FNIP2: variants seen among roughly 807,000 people sequenced by gnomAD.
FNIP2 encodes folliculin interacting protein 2, also known as folliculin-interacting protein 2.
Under a neutral mutation model 108.7 loss-of-function variants are expected in FNIP2, and 32 were observed. That is an observed-to-expected ratio of 0.29 (90% confidence interval 0.22 to 0.40). FNIP2 has a LOEUF of 0.40. FNIP2 is among the 10% of genes least tolerant of loss of function. FNIP2 has a pLI of 1.00. For missense variants in FNIP2, 1,202 were observed against 1,381.6 expected (o/e 0.87, Z 2.06); for synonymous variants, 480 against 496.7 (o/e 0.97, Z 0.45).
chr4:158,788,034 G>A (rs374538563), intron 1 of FNIP2, among the ~76,000 whole-genome samples: 65 of 152,146 alleles, frequency 4.3e-4, no homozygotes, highest in African/African-American at 1.4e-3. Context: ...TTCAGGTTTC[G>A]AACCCTGACA....
At position 158,891,571 on chromosome 4, in the gene FNIP2, C is replaced by T. The variant is rs778464583; in HGVS notation, c.3075C>T (p.Val1025=). The change falls in exon 15 of 17, where the codon GTC becomes GTT. Residue 1025 remains valine, a synonymous_variant. Transcript: ENST00000264433. The part of the protein sequence containing the change: ...VTDNMKLGQD[V]LVSSQVSSLL... The stretch of plus-strand genomic sequence containing the variant: ...ACAACATGAAACTAGGCCAGGATGT[C>T]CTGGTCTCTAGTCAGGTGTCCAGTT... 1 of 1,612,534 alleles carries T rather than the reference C, an allele frequency of 6.2e-7. No individual in the cohort carries two copies. Among genetic ancestry groups the T allele is most frequent in the South Asian group, 1.1e-5 (1 of 90,716 alleles).
intron 7 of FNIP2, among the ~76,000 whole-genome samples, chr4:158,837,749 A>G (rs1318316031): frequency 6.6e-6 from 1 of 152,198 alleles, no homozygotes; most frequent in Non-Finnish European, 1.5e-5. Context: ...AGGTGTTGAT[A>G]CCAGTGTGAA....
At chr4:158,841,253 A>G (rs895681453) in intron 7 of FNIP2, among the ~76,000 whole-genome samples, 2 of 152,166 alleles carry the variant, frequency 1.3e-5, no homozygotes, top group African/African-American at 4.8e-5. Flanking sequence ...TTGCGAGATA[A>G]GGCTGGGGTG....
chr4:158,854,165 T>C (rs1188093156), intron 8 of FNIP2, among the ~76,000 whole-genome samples: 1 of 152,254 alleles, frequency 6.6e-6, no homozygotes. Flanking sequence ...TGATATTCTT[T>C]ATTGCAATGT....
chr4:158,890,251 G>T (rs906070883), intron 14 of FNIP2: 5 of 984,442 alleles, frequency 5.1e-6, no homozygotes, highest in South Asian at 4.7e-5. Context: ...TGATAATAGG[G>T]TTTATATCTT....
intron 14 of FNIP2, among the ~76,000 whole-genome samples, chr4:158,875,729 T>C (rs997400287): frequency 6.6e-6 from 1 of 152,034 alleles, no homozygotes; most frequent in Non-Finnish European, 1.5e-5. Flanking sequence ...TCCACTATTT[T>C]GGAACATCTC....
intron 1 of FNIP2, among the ~76,000 whole-genome samples, chr4:158,799,024 G>A (rs1776678458): frequency 6.6e-6 from 1 of 152,222 alleles, no homozygotes; most frequent in African/African-American, 2.4e-5. Context: ...ACAGAGACCA[G>A]TCTAGTGTGA....
chr4:158,831,263 T>C (rs576723661), intron 3 of FNIP2, among the ~76,000 whole-genome samples: 1 of 151,916 alleles, frequency 6.6e-6, no homozygotes, highest in Non-Finnish European at 1.5e-5. Context: ...CCAGTGAGAG[T>C]AGAGGAAGAG....
At chr4:158,861,547 A>G in intron 11 of FNIP2, 59 bp downstream of exon 11, 1 of 1,613,668 alleles carries the variant, frequency 6.2e-7, no homozygotes, top group Non-Finnish European at 8.5e-7. Context: ...TGTGTACTGC[A>G]TAGGATGTGC....
At chr4:158,807,323 C>T (rs1356482951) in intron 1 of FNIP2, among the ~76,000 whole-genome samples, 2 of 151,736 alleles carry the variant, frequency 1.3e-5, no homozygotes, top group East Asian at 1.9e-4. Flanking sequence ...TGTAGCAAGA[C>T]CCCATCTCTA....
chr4:158,779,413 TGAAAACA>T (rs1775962031), intron 1 of FNIP2, among the ~76,000 whole-genome samples: 1 of 152,162 alleles, frequency 6.6e-6, no homozygotes, highest in Non-Finnish European at 1.5e-5. Context: ...TTATGTTAAA[TGAAAACA>T]ACCAGCAACA....
Position 158,820,253 on chromosome 4 carries a change from C to T in FNIP2, c.108-5663C>T, listed in dbSNP as rs144332245. Among the ~76,000 whole-genome samples, 418 of 152,182 alleles carry T rather than the reference C, an allele frequency of 2.7e-3. 2 individuals carry two copies. The highest frequency in any genetic ancestry group is 9.2e-3 in the African/African-American group (381 of 41,492). On this transcript the variant is annotated intron_variant, in intron 1 of 16. Transcript: ENST00000264433. ...TGTGGGGAGGCTTCCTTGTGTGAGA[C>T]CAGGAGGAAAAACAGAGATCATGCT... is the stretch of plus-strand genomic sequence containing the variant.
chr4:158,779,374 A>G (rs906168919), intron 1 of FNIP2, among the ~76,000 whole-genome samples: 1 of 152,226 alleles, frequency 6.6e-6, no homozygotes, highest in African/African-American at 2.4e-5. Flanking sequence ...TAGTTAAATG[A>G]TTATGAAGAC....
At chr4:158,889,890 A>T in intron 14 of FNIP2, 1 of 985,346 alleles carries the variant, frequency 1.0e-6, no homozygotes. Flanking sequence ...AGGATGAACA[A>T]GACCTTGGAG....
At chr4:158,886,104 G>A (rs1782011761) in intron 14 of FNIP2, among the ~76,000 whole-genome samples, 1 of 152,156 alleles carries the variant, frequency 6.6e-6, no homozygotes, top group African/African-American at 2.4e-5. Flanking sequence ...TCAACAAGCT[G>A]TAATAGCAAA....
intron 1 of FNIP2, among the ~76,000 whole-genome samples, chr4:158,782,787 A>C (rs1215262393): frequency 6.6e-6 from 1 of 152,152 alleles, no homozygotes; most frequent in Non-Finnish European, 1.5e-5. Flanking sequence ...GGAAGCTCCC[A>C]ATTGTCCAGT....
At chr4:158,792,706 G>A (rs1046462175) in intron 1 of FNIP2, among the ~76,000 whole-genome samples, 4 of 152,156 alleles carry the variant, frequency 2.6e-5, no homozygotes, top group African/African-American at 7.2e-5. Flanking sequence ...CAGTGGTTCG[G>A]TATTCACTAA....
At chr4:158,818,152 G>A (rs1777678863) in intron 1 of FNIP2, among the ~76,000 whole-genome samples, 2 of 152,202 alleles carry the variant, frequency 1.3e-5, no homozygotes, top group Non-Finnish European at 2.9e-5. Flanking sequence ...CCAAACCTTA[G>A]GCTGTATTGT....
intron 15 of FNIP2, among the ~76,000 whole-genome samples, chr4:158,892,189 G>C (rs183967285): frequency 1.5e-5 from 2 of 132,984 alleles, no homozygotes; most frequent in East Asian, 4.6e-4. Flanking sequence ...GGAGTGAGTA[G>C]TGCAGTGGCA....
Sources: gnomAD v4.1 joint callset for allele counts (sites outside exome capture counted in the v4.1 genomes callset) on GRCh38, gnomAD v4.1.1 for gene constraint, MANE v1.5 for transcripts, NCBI Gene and HGNC (gene_info 2026-07-23, HGNC 2026-07-21) for gene names.